The following SUSD6 variants were observed in gnomAD, a reference collection of about 807,000 sequenced individuals.
SUSD6 encodes sushi domain containing 6, also known as sushi domain-containing protein 6.
In SUSD6, 16 loss-of-function variants were observed where a neutral mutation model predicts 28.4. That is an observed-to-expected ratio of 0.56 (90% CI 0.38 to 0.86). The LOEUF (loss-of-function observed/expected upper bound fraction) is 0.86, where lower values mean the gene tolerates loss of function less well. Ranked by LOEUF, SUSD6 falls within the 40% of genes least tolerant of loss-of-function variation. The probability of loss-of-function intolerance (pLI) is 0.00; values close to 1 mark genes in which losing one functional copy is unlikely to be tolerated. For synonymous variants in SUSD6, 147 were observed against 159.6 expected, an observed-to-expected ratio of 0.92 and a Z score of 0.59; for missense variants, 341 against 384.2, an observed-to-expected ratio of 0.89 and a Z score of 0.94.
At chr14:69,678,427 G>A (rs1453173160) in intron 2 of SUSD6, among the ~76,000 whole-genome samples, 1 of 151,846 alleles carries the variant, frequency 6.6e-6, no homozygotes, top group Non-Finnish European at 1.5e-5. Context: ...ATATGTAACA[G>A]TATAATTGTA....
intron 1 of SUSD6, among the ~76,000 whole-genome samples, chr14:69,657,745 T>C (rs1566596910): frequency 6.6e-6 from 1 of 152,172 alleles, no homozygotes; most frequent in Non-Finnish European, 1.5e-5. Context: ...TAAAGGCTTA[T>C]AGAAAAGAAT....
chr14:69,678,267 T>G (rs921097860), intron 2 of SUSD6, among the ~76,000 whole-genome samples: 1 of 151,440 alleles, frequency 6.6e-6, no homozygotes, highest in African/African-American at 2.4e-5. Flanking sequence ...TTCTTTTACC[T>G]GCAGTATAGC....
At chr14:69,698,430 T>C (rs1234222940) in intron 2 of SUSD6, among the ~76,000 whole-genome samples, 1 of 152,220 alleles carries the variant, frequency 6.6e-6, no homozygotes, top group Non-Finnish European at 1.5e-5. Context: ...ACACTGATCT[T>C]TATATTCCCT....
At position 69,674,156 on chromosome 14, in the gene SUSD6, T is replaced by C. The variant is rs561007861; in HGVS notation, c.121+15443T>C. Among the ~76,000 whole-genome samples the C allele has an allele frequency of 3.5e-4, 53 of 152,314 alleles. 1 individual carries two copies. In the South Asian group the frequency reaches 0.011, roughly 32 times the overall value. ...CCATAACACCTGCCTACAGAGAGAATGACTGCATCACTGTCGTGCCTGCCT... is the reference window on the plus strand; with the variant it reads ...CCATAACACCTGCCTACAGAGAGAACGACTGCATCACTGTCGTGCCTGCCT... On this transcript the variant is annotated intron_variant, in intron 2 of 5. Transcript: ENST00000342745.
intron 1 of SUSD6, among the ~76,000 whole-genome samples, chr14:69,639,958 T>TTTTTTGTTTTG (rs1555343342): frequency 9.4e-5 from 13 of 138,150 alleles, no homozygotes; most frequent in African/African-American, 3.7e-4. Flanking sequence ...CCTACACTGT[T>TTTTTTGTTTTG]TTTTTTTTTT....
intron 1 of SUSD6, among the ~76,000 whole-genome samples, chr14:69,645,630 G>C (rs1017612831): frequency 2.6e-5 from 4 of 152,250 alleles, no homozygotes; most frequent in African/African-American, 9.6e-5. Flanking sequence ...AAATCATTGG[G>C]TTAATTGAGA....
At chr14:69,622,411 G>A (rs977852879) in intron 1 of SUSD6, among the ~76,000 whole-genome samples, 3 of 151,978 alleles carry the variant, frequency 2.0e-5, no homozygotes, top group African/African-American at 2.4e-5. Context: ...CAAGTGATCC[G>A]CCTGCCTCAG....
At chr14:69,640,022 T>C (rs1001414914) in intron 1 of SUSD6, among the ~76,000 whole-genome samples, 10 of 134,674 alleles carry the variant, frequency 7.4e-5, no homozygotes, top group African/African-American at 2.0e-4. Context: ...AAAGGTAGCA[T>C]GGGTACCAGC....
At chr14:69,674,321 T>G (rs1463575878) in intron 2 of SUSD6, among the ~76,000 whole-genome samples, 5 of 152,166 alleles carry the variant, frequency 3.3e-5, no homozygotes, top group African/African-American at 1.2e-4. Context: ...ACTGGATGGA[T>G]GGAATAAGCG....
At chr14:69,693,348 AGAG>A in intron 2 of SUSD6, among the ~76,000 whole-genome samples, 1 of 152,262 alleles carries the variant, frequency 6.6e-6, no homozygotes, top group African/African-American at 2.4e-5. Flanking sequence ...TGCAAGAACA[AGAG>A]GAGGTGAAAG....
intron 2 of SUSD6, among the ~76,000 whole-genome samples, chr14:69,687,035 T>TA (rs1886083369): frequency 6.6e-6 from 1 of 152,208 alleles, no homozygotes; most frequent in Non-Finnish European, 1.5e-5. Flanking sequence ...AGTGCAGTGG[T>TA]GCGAACTTGT....
intron 4 of SUSD6, among the ~76,000 whole-genome samples, chr14:69,705,038 G>C (rs116337979): frequency 0.023 from 3,426 of 152,256 alleles, 130 homozygotes; most frequent in African/African-American, 0.079. Flanking sequence ...AACTGAGGCT[G>C]CGCGCGGTGG....
intron 1 of SUSD6, among the ~76,000 whole-genome samples, chr14:69,614,408 G>T (rs922704125): frequency 6.6e-6 from 1 of 152,210 alleles, no homozygotes; most frequent in South Asian, 2.1e-4. Flanking sequence ...CTCAGTAGGG[G>T]ATGTCCTCCT....
chr14:69,613,208 T>G (rs1269608472), intron 1 of SUSD6, among the ~76,000 whole-genome samples: 3 of 152,198 alleles, frequency 2.0e-5, no homozygotes, highest in African/African-American at 7.2e-5. Context: ...TTGAACTCAT[T>G]TAATAACAGA....
chr14:69,663,816 C>T (rs1169347014), intron 2 of SUSD6, among the ~76,000 whole-genome samples: 1 of 152,146 alleles, frequency 6.6e-6, no homozygotes, highest in Non-Finnish European at 1.5e-5. Flanking sequence ...GAGTGACAGG[C>T]TTCACTGAGA....
At chr14:69,619,254 A>G (rs1271982853) in intron 1 of SUSD6, among the ~76,000 whole-genome samples, 2 of 151,810 alleles carry the variant, frequency 1.3e-5, no homozygotes, top group Admixed American at 6.6e-5. Context: ...TGAAATTACA[A>G]AGGCAGTGAG....
rs1395666210 is a variant in SUSD6 at position 69,714,885 on chromosome 14, C to G, written c.*3906C>G. 1 of 152,126 alleles carries G rather than the reference C, an allele frequency of 6.6e-6. No homozygotes were observed. Among genetic ancestry groups the G allele is most frequent in the Non-Finnish European group, 1.5e-5 (1 of 68,024 alleles). The allele number at this position is 152,126 out of a possible 1,614,324, so 9.4% of individuals were successfully genotyped here. On this transcript the variant is annotated 3_prime_UTR_variant, in exon 6 of 6. Transcript: ENST00000342745. The stretch of plus-strand genomic sequence containing the variant: ...GCCCTGGCTTCTTCAGGTTATCGCA[C>G]CACTATGGAATCCTTTGCAGAATGG...
chr14:69,693,314 GCCTGTTTC>G (rs72179844), intron 2 of SUSD6, among the ~76,000 whole-genome samples: 7,078 of 152,192 alleles, frequency 0.047, 204 homozygotes, highest in East Asian at 0.15. Context: ...CCAGCTGGCA[GCCTGTTTC>G]CCTGGGTCCC....
At chr14:69,614,701 A>G (rs112579067) in intron 1 of SUSD6, among the ~76,000 whole-genome samples, 2,353 of 152,276 alleles carry the variant, frequency 0.015, 23 homozygotes, top group Middle Eastern at 0.037. Flanking sequence ...GAAATACAGC[A>G]TCTTTAAAAA....
Sources: gnomAD v4.1 joint callset for allele counts (sites outside exome capture counted in the v4.1 genomes callset) on GRCh38, gnomAD v4.1.1 for gene constraint, MANE v1.5 for transcripts, NCBI Gene and HGNC (gene_info 2026-07-23, HGNC 2026-07-21) for gene names.